MRPS31: variants seen among roughly 807,000 people sequenced by gnomAD.
MRPS31 encodes small ribosomal subunit protein mS31.
In MRPS31, 32 loss-of-function variants were observed where a neutral mutation model predicts 43.1. That is an observed-to-expected ratio of 0.74 (90% CI 0.56 to 1.00). The LOEUF is 1.00. Ranked by LOEUF, MRPS31 falls within the 50% of genes least tolerant of loss-of-function variation. The pLI, the probability that MRPS31 is intolerant of heterozygous loss-of-function variation, is 0.00. For synonymous variants in MRPS31, 165 were observed against 161.6 expected, an observed-to-expected ratio of 1.02 and a Z score of -0.16; for missense variants, 437 against 466.7, an observed-to-expected ratio of 0.94 and a Z score of 0.59.
At chr13:40,762,989 T>C (rs1395957461) in intron 2 of MRPS31, among the ~76,000 whole-genome samples, 1 of 152,190 alleles carries the variant, frequency 6.6e-6, no homozygotes, top group Non-Finnish European at 1.5e-5. Context: ...TAAACAAACA[T>C]AGCATCATTT....
intron 6 of MRPS31, among the ~76,000 whole-genome samples, chr13:40,742,111 G>T (rs1233913476): frequency 3.9e-5 from 6 of 152,050 alleles, no homozygotes; most frequent in Non-Finnish European, 7.4e-5. Context: ...CACACGATTT[G>T]ACTCTTTTGC....
intron 6 of MRPS31, among the ~76,000 whole-genome samples, chr13:40,746,831 TG>T (rs1212531454): frequency 1.3e-5 from 2 of 152,336 alleles, no homozygotes; most frequent in African/African-American, 4.8e-5. Context: ...TTCACAATGT[TG>T]TTGCTGTAGA....
chr13:40,729,792 G>T (rs1000013067), intron 6 of MRPS31, among the ~76,000 whole-genome samples, 191 bp from the exon 7 acceptor site: 1 of 149,476 alleles, frequency 6.7e-6, no homozygotes. Context: ...GGAGTGGCAC[G>T]ATCTCAGCTC....
At chr13:40,751,478 C>T (rs1270160387) in intron 5 of MRPS31, among the ~76,000 whole-genome samples, 1 of 152,106 alleles carries the variant, frequency 6.6e-6, no homozygotes, top group Admixed American at 6.6e-5. Flanking sequence ...CAGTTCTACA[C>T]AACACCAACA....
chr13:40,747,444 T>C (rs931678947), intron 6 of MRPS31, among the ~76,000 whole-genome samples: 2 of 152,234 alleles, frequency 1.3e-5, no homozygotes, highest in Admixed American at 1.3e-4. Flanking sequence ...ACAGGGCTGC[T>C]ACTCAGGTTT....
At position 40,729,460 on chromosome 13, in the gene MRPS31, T is replaced by TTAA. The variant is rs1480650154; in HGVS notation, c.1097_1099dup (p.Val366_Lys367insIle). On this transcript the variant is annotated inframe_insertion, in exon 7 of 7. Coordinates refer to ENST00000323563, the MANE Select transcript of MRPS31 (RefSeq NM_005830.4). ...CCACTCTATGTGTTCAACCTTCTGT[T>TTAA]TAACACTAAGATATGGGTTTTTGGA... 2 of 1,609,986 alleles carry TTAA rather than the reference T, an allele frequency of 1.2e-6. No homozygotes were observed. The highest frequency in any genetic ancestry group is 2.7e-5 in the African/African-American group (2 of 74,840).
chr13:40,756,769 G>A (rs1880539342), intron 4 of MRPS31, 104 bp downstream of exon 4: 3 of 1,254,800 alleles, frequency 2.4e-6, no homozygotes, highest in Non-Finnish European at 2.3e-6. Context: ...ATAATGTTCA[G>A]ATATCCAACA....
chr13:40,766,305 T>C (rs1329873427), intron 2 of MRPS31, among the ~76,000 whole-genome samples: 1 of 152,196 alleles, frequency 6.6e-6, no homozygotes, highest in Non-Finnish European at 1.5e-5. Context: ...GTTGTTGTTG[T>C]TGTTTGAGAC....
chr13:40,742,954 C>A (rs746811296), intron 6 of MRPS31, among the ~76,000 whole-genome samples: 7 of 152,128 alleles, frequency 4.6e-5, no homozygotes, highest in African/African-American at 7.2e-5. Context: ...AAAAACCCTA[C>A]AAGAAGATCT....
intron 5 of MRPS31, among the ~76,000 whole-genome samples, chr13:40,750,664 T>C (rs934996342): frequency 6.7e-6 from 1 of 149,966 alleles, no homozygotes; most frequent in African/African-American, 2.4e-5. Context: ...CTGGGTGATA[T>C]CACTTTTTAA....
intron 6 of MRPS31, among the ~76,000 whole-genome samples, chr13:40,741,131 T>C (rs1378701032): frequency 6.6e-6 from 1 of 151,790 alleles, no homozygotes; most frequent in African/African-American, 2.4e-5. Flanking sequence ...GCATATAATT[T>C]AGAAATATAA....
At chr13:40,761,328 C>T (rs982884353) in intron 2 of MRPS31, among the ~76,000 whole-genome samples, 3 of 151,754 alleles carry the variant, frequency 2.0e-5, no homozygotes, top group Admixed American at 2.0e-4. Context: ...GCTTTTAAAA[C>T]TTATCTGTGA....
intron 6 of MRPS31, among the ~76,000 whole-genome samples, chr13:40,743,864 GAATATACATT>G (rs1053497458): frequency 6.6e-6 from 1 of 152,106 alleles, no homozygotes; most frequent in Non-Finnish European, 1.5e-5. Context: ...ATGCCCAAAG[GAATATACATT>G]ATTCTACCAT....
At chr13:40,753,617 G>A (rs1880451397) in intron 5 of MRPS31, among the ~76,000 whole-genome samples, 1 of 152,162 alleles carries the variant, frequency 6.6e-6, no homozygotes, top group Non-Finnish European at 1.5e-5. Context: ...GTGTCCCTGA[G>A]AACCCAAACA....
intron 4 of MRPS31, among the ~76,000 whole-genome samples, chr13:40,754,338 A>G (rs1195704175): frequency 6.6e-6 from 1 of 152,238 alleles, no homozygotes; most frequent in African/African-American, 2.4e-5. Context: ...ACCTAATTGA[A>G]AAGATTAGCT....
At chr13:40,740,547 C>A (rs1300516711) in intron 6 of MRPS31, among the ~76,000 whole-genome samples, 6 of 137,484 alleles carry the variant, frequency 4.4e-5, no homozygotes, top group Admixed American at 3.0e-4. Context: ...AAATGTCCAA[C>A]AATGATAGAC....
intron 5 of MRPS31, among the ~76,000 whole-genome samples, chr13:40,753,514 A>AC (rs1220329814): frequency 1.3e-5 from 2 of 152,112 alleles, no homozygotes; most frequent in Non-Finnish European, 2.9e-5. Context: ...AACTGTAGTA[A>AC]CCCCCACCAG....
intron 1 of MRPS31, among the ~76,000 whole-genome samples, chr13:40,769,429 T>C (rs1880947531): frequency 8.1e-6 from 1 of 123,880 alleles, no homozygotes. Flanking sequence ...TATTATCAAG[T>C]TCTCAAAGCC....
intron 2 of MRPS31, among the ~76,000 whole-genome samples, chr13:40,763,434 C>T (rs939655562): frequency 1.2e-4 from 18 of 152,262 alleles, no homozygotes; most frequent in East Asian, 7.7e-4. Flanking sequence ...CTGCAAAAGA[C>T]GTGCAGTAAG....
Sources: allele counts gnomAD v4.1 joint callset (sites outside exome capture counted in the v4.1 genomes callset), GRCh38; gene constraint gnomAD v4.1.1; transcripts MANE v1.5; gene names NCBI Gene and HGNC (gene_info 2026-07-23, HGNC 2026-07-21).